XRRA1: variants seen among roughly 807,000 people sequenced by gnomAD.
XRRA1 encodes the protein X-ray radiation resistance associated 1, also known as X-ray radiation resistance-associated protein 1.
XRRA1 carries 69 observed loss-of-function variants against 80.2 expected under a neutral mutation model. The observed-to-expected ratio is 0.86, with a 90% CI of 0.71 to 1.05. The LOEUF is 1.05. Among genes scored for constraint, XRRA1 ranks in the 50% least tolerant of loss-of-function variants. The probability of loss-of-function intolerance (pLI) is 0.00; values close to 1 mark genes in which losing one functional copy is unlikely to be tolerated. For synonymous variants in XRRA1, 348 were observed against 389.9 expected (o/e 0.89, Z 1.27); for missense variants, 967 against 976.4 (o/e 0.99, Z 0.13).
intron 12 of XRRA1, among the ~76,000 whole-genome samples, chr11:74,853,564 A>G (rs1183684956): frequency 6.6e-6 from 1 of 152,234 alleles, no homozygotes; most frequent in Non-Finnish European, 1.5e-5. Context: ...TTAAGACCCT[A>G]TGAGATGACA....
chr11:74,922,401 T>C (rs1323379300), intron 7 of XRRA1, among the ~76,000 whole-genome samples: 1 of 151,730 alleles, frequency 6.6e-6, no homozygotes, highest in East Asian at 1.9e-4. Context: ...GGCCAAGGGG[T>C]CAGTCAGAAA....
intron 5 of XRRA1, among the ~76,000 whole-genome samples, chr11:74,931,131 CGTGTGT>C (rs61614618): frequency 7.4e-5 from 11 of 149,414 alleles, no homozygotes; most frequent in African/African-American, 2.7e-4. Flanking sequence ...TATGCTTATA[CGTGTGT>C]GTGTGTGTGT....
intron 10 of XRRA1, among the ~76,000 whole-genome samples, chr11:74,880,633 A>G (rs1037136519): frequency 1.2e-4 from 18 of 151,358 alleles, no homozygotes; most frequent in African/African-American, 4.4e-4. Context: ...ACTGCTTTGA[A>G]TGCGTCCCAG....
At chr11:74,875,671 C>A (rs2045885626) in intron 10 of XRRA1, among the ~76,000 whole-genome samples, 1 of 152,220 alleles carries the variant, frequency 6.6e-6, no homozygotes, top group African/African-American at 2.4e-5. Context: ...GAGTTCGAGA[C>A]CAGCCTGGCC....
In XRRA1 at chr11:74,852,182, T is replaced by C. The variant is rs559353016; in HGVS notation, c.1171-100A>G. The C allele has an allele frequency of 2.5e-4, 243 of 988,074 alleles. 1 individual carries two copies. In the African/African-American group the frequency reaches 3.5e-3, roughly 14 times the overall value. 61.2% of individuals were successfully genotyped at this position (988,074 alleles called of 1,614,324 possible). A position where few individuals can be genotyped will look rare whatever the true frequency, so the allele number is the denominator to read the frequency against. On this transcript the variant is annotated intron_variant, in intron 12 of 18. Transcript: ENST00000684022. ...CTGCAGGGCTACATGCTTGCTAGGA[T>C]TGGGGGTGGTATTGGGTAAGACATG...
In XRRA1 at chr11:74,919,835, G is replaced by A. The variant is rs1165999415; in HGVS notation, c.656+1379C>T. The A allele has an allele frequency of 2.2e-5, 9 of 414,908 alleles. No individual in the cohort carries two copies. In the East Asian group the frequency reaches 2.5e-4, roughly 11 times the overall value. The allele number at this position is 414,908 out of a possible 1,614,324, so 25.7% of individuals were successfully genotyped here. A position where few individuals can be genotyped will look rare whatever the true frequency, so the allele number is the denominator to read the frequency against. On this transcript the variant is annotated intron_variant, in intron 8 of 18. Transcript: ENST00000684022. ...AAAGGAATAAGGAATGTCCCATGCC[G>A]AATCCATGTGCAGTTGTCCAGAGAA...
intron 4 of XRRA1, among the ~76,000 whole-genome samples, 166 bp downstream of exon 4, chr11:74,936,718 A>G (rs1463120081): frequency 6.6e-6 from 1 of 152,220 alleles, no homozygotes. Context: ...ACATGTCAAG[A>G]AACTTTTGGG....
At chr11:74,920,508 G>A (rs1940399899) in intron 8 of XRRA1, among the ~76,000 whole-genome samples, 1 of 152,240 alleles carries the variant, frequency 6.6e-6, no homozygotes, top group African/African-American at 2.4e-5. Context: ...AAAGCAGTCA[G>A]AGAAGGCTCC....
intron 10 of XRRA1, among the ~76,000 whole-genome samples, chr11:74,887,587 G>A (rs2049365287): frequency 2.6e-5 from 4 of 152,178 alleles, no homozygotes. Flanking sequence ...AGGACAGTGG[G>A]TGCAGCGCAC....
chr11:74,842,989 T>G lies in XRRA1; in HGVS notation c.*211A>C. On this transcript the variant is annotated 3_prime_UTR_variant, in exon 19 of 19. Transcript: ENST00000684022. ...TCTATTGCCCTGTGCACCCACTCTTTATTGCCGCTGGGCCAGGCACCAGGT... is the reference window on the plus strand; with the variant it reads ...TCTATTGCCCTGTGCACCCACTCTTGATTGCCGCTGGGCCAGGCACCAGGT... 1 of 626,258 alleles carries G rather than the reference T, an allele frequency of 1.6e-6. No homozygotes were observed. 38.8% of individuals were successfully genotyped at this position (626,258 alleles called of 1,614,324 possible). A position where few individuals can be genotyped will look rare whatever the true frequency, so the allele number is the denominator to read the frequency against.
chr11:74,893,642 TCAA>T (rs1364722406), intron 10 of XRRA1, among the ~76,000 whole-genome samples: 1 of 150,420 alleles, frequency 6.6e-6, no homozygotes, highest in Non-Finnish European at 1.5e-5. Flanking sequence ...GAAAAAATGC[TCAA>T]CATCACTAAT....
Position 74,841,119 on chromosome 11 carries a change from A to G in XRRA1, c.*2081T>C, listed in dbSNP as rs976915203. On this transcript the variant is annotated 3_prime_UTR_variant, in exon 19 of 19. Coordinates refer to ENST00000684022, the MANE Select transcript of XRRA1 (RefSeq NM_001378157.1). Reference sequence around the variant, plus strand: ...ATTGGAATAATTTTAATTAAATTTAATGATTTTAATTAAGAATTAAAAGCC... The same window carrying G: ...ATTGGAATAATTTTAATTAAATTTAGTGATTTTAATTAAGAATTAAAAGCC... 1.3e-5 allele frequency: 2 copies of G among 152,188 alleles called. No homozygotes were observed. The highest frequency in any genetic ancestry group is 1.3e-4 in the Admixed American group (2 of 15,282). The allele number at this position is 152,188 out of a possible 1,614,324, so 9.4% of individuals were successfully genotyped here. A position where few individuals can be genotyped will look rare whatever the true frequency, so the allele number is the denominator to read the frequency against.
chr11:74,902,885 T>G (rs1404854063), intron 10 of XRRA1, among the ~76,000 whole-genome samples: 1 of 152,120 alleles, frequency 6.6e-6, no homozygotes, highest in Non-Finnish European at 1.5e-5. Flanking sequence ...CAATAATACT[T>G]TAATTTAATT....
Position 74,888,156 on chromosome 11 carries a change from A to G in XRRA1, c.1003+18083T>C, listed in dbSNP as rs185635880. ...GGGTCCCTGACCCCCGAGTAGCCTA[A>G]CTGGGAGGCACCCCCCAGTAGGGGC... On this transcript the variant is annotated intron_variant, in intron 10 of 18. Coordinates refer to ENST00000684022, the MANE Select transcript of XRRA1 (RefSeq NM_001378157.1). Among the ~76,000 whole-genome samples the G allele has an allele frequency of 1.0e-3, 159 of 152,276 alleles. 1 individual carries two copies. The East Asian group carries it at 0.03, about 28-fold the overall frequency.
intron 10 of XRRA1, among the ~76,000 whole-genome samples, chr11:74,880,827 T>C (rs898654042): frequency 3.3e-5 from 5 of 151,678 alleles, no homozygotes; most frequent in African/African-American, 9.7e-5. Flanking sequence ...GTCTGAGAGA[T>C]AGTTTGTTAT....
At chr11:74,942,427 C>G (rs977504007) in intron 2 of XRRA1, among the ~76,000 whole-genome samples, 4 of 152,190 alleles carry the variant, frequency 2.6e-5, no homozygotes, top group African/African-American at 7.2e-5. Flanking sequence ...AAAAGCAAGA[C>G]AGCAGTGAGA....
chr11:74,854,689 T>C (rs1043366175), intron 12 of XRRA1, among the ~76,000 whole-genome samples: 1 of 152,206 alleles, frequency 6.6e-6, no homozygotes, highest in African/African-American at 2.4e-5. Flanking sequence ...GGCCCAAATC[T>C]GGCCCATGAT....
chr11:74,940,779 C>G lies in XRRA1; in HGVS notation c.94+6G>C. 6.3e-7 allele frequency: 1 copy of G among 1,598,424 alleles called. No individual in the cohort carries two copies. Among genetic ancestry groups the G allele is most frequent in the East Asian group, 2.3e-5 (1 of 44,332 alleles). On this transcript the variant is annotated splice_donor_region_variant and intron_variant, in intron 3 of 18. Transcript: ENST00000684022. Reference sequence around the variant, plus strand: ...GAAAAGGTAGCTATTTGAGAAGTCACCTGACCTTCCTCCGGCACGCGAAGC... The same window carrying G: ...GAAAAGGTAGCTATTTGAGAAGTCAGCTGACCTTCCTCCGGCACGCGAAGC...
At chr11:74,938,814 AT>A (rs2139819882) in intron 3 of XRRA1, among the ~76,000 whole-genome samples, 1 of 152,034 alleles carries the variant, frequency 6.6e-6, no homozygotes, top group South Asian at 2.1e-4. Flanking sequence ...TGCCCTACGA[AT>A]TTTGGACTTG....
Sources: gnomAD v4.1 joint callset for allele counts (sites outside exome capture counted in the v4.1 genomes callset) on GRCh38, gnomAD v4.1.1 for gene constraint, MANE v1.5 for transcripts, NCBI Gene and HGNC (gene_info 2026-07-23, HGNC 2026-07-21) for gene names.